MIA3: variants seen among roughly 807,000 people sequenced by gnomAD.
MIA3 encodes transport and Golgi organization protein 1 homolog.
MIA3 carries 90 observed loss-of-function variants against 192.4 expected under a neutral mutation model. That is an observed-to-expected ratio of 0.47 (90% CI 0.39 to 0.56). The LOEUF is 0.56. Ranked by LOEUF, MIA3 falls within the 20% of genes least tolerant of loss-of-function variation. MIA3 has a pLI of 0.00. For missense variants in MIA3, 2,123 were observed against 2,269.4 expected (o/e 0.94, Z 1.31); for synonymous variants, 740 against 792.8 (o/e 0.93, Z 1.12).
chr1:222,633,626 G>A (rs953879515), intron 6 of MIA3, among the ~76,000 whole-genome samples: 1 of 152,122 alleles, frequency 6.6e-6, no homozygotes, highest in Non-Finnish European at 1.5e-5. Context: ...GAGGGAGAGT[G>A]ATAGGAAAGG....
At chr1:222,664,657 T>C (rs903861740) in intron 27 of MIA3, among the ~76,000 whole-genome samples, 2 of 152,200 alleles carry the variant, frequency 1.3e-5, no homozygotes, top group Non-Finnish European at 2.9e-5. Flanking sequence ...TAATGAATGC[T>C]GCTGAATTTA....
At position 222,627,875 on chromosome 1, in the gene MIA3, C is replaced by A; in HGVS notation, c.655C>A (p.His219Asn). ...CTCCCATGCAAACAGCCAAGCAAATCATGCTCAGGGAGAGCAGGCTTCATT... is the reference window on the plus strand; with the variant it reads ...CTCCCATGCAAACAGCCAAGCAAATAATGCTCAGGGAGAGCAGGCTTCATT... ...HHSHANSQAN[H>N]AQGEQASFES... Residue 219 changes from histidine to asparagine, a missense_variant, in exon 4 of 28, where the codon CAT becomes AAT. Physicochemically the swap from His to Asn is moderately conservative, Grantham distance 68. Around this residue, in one of 3 missense-constraint regions of MIA3, gnomAD observed 1,357 missense variants for 1,396.1 expected, o/e 0.97. Coordinates refer to ENST00000344922, the MANE Select transcript of MIA3 (RefSeq NM_198551.4). The A allele has an allele frequency of 6.2e-7, 1 of 1,614,028 alleles. No homozygotes were observed. The highest frequency in any genetic ancestry group is 8.5e-7 in the Non-Finnish European group (1 of 1,180,014).
At chr1:222,640,286 T>C (rs1028228443) in intron 6 of MIA3, among the ~76,000 whole-genome samples, 3 of 152,158 alleles carry the variant, frequency 2.0e-5, no homozygotes, top group Non-Finnish European at 4.4e-5. Context: ...ATAGCCCCAA[T>C]TAAAATCTCA....
At position 222,618,287 on chromosome 1, in the gene MIA3, T is replaced by C. The variant is rs561585936; in HGVS notation, c.133+44T>C. 1.5e-4 allele frequency: 196 copies of C among 1,342,218 alleles called. No homozygotes were observed. The African/African-American group carries it at 2.8e-3, about 19-fold the overall frequency. 83.1% of individuals were successfully genotyped at this position (1,342,218 alleles called of 1,614,324 possible). A position where few individuals can be genotyped will look rare whatever the true frequency, so the allele number is the denominator to read the frequency against. On this transcript the variant is annotated intron_variant, in intron 1 of 27. Transcript: ENST00000344922. ...CGGCTGGCCTCGGGGCGGCTGGCCT[T>C]GGGGTCTCCGCCGGCCCCGGGGGTC...
At position 222,667,631 on chromosome 1, in the gene MIA3, G is replaced by C. The variant is rs1412307979; in HGVS notation, c.*2012G>C. 6.6e-6 allele frequency: 1 copy of C among 152,140 alleles called. No homozygotes were observed. The highest frequency in any genetic ancestry group is 2.4e-5 in the African/African-American group (1 of 41,410). 9.4% of individuals were successfully genotyped at this position (152,140 alleles called of 1,614,324 possible). Reference sequence around the variant, plus strand: ...AGAAGTTGTGAGCCAGTCCATAACTGCTTCCTCACATCCATCTGATTGCAC... The same window carrying C: ...AGAAGTTGTGAGCCAGTCCATAACTCCTTCCTCACATCCATCTGATTGCAC... On this transcript the variant is annotated 3_prime_UTR_variant, in exon 28 of 28. Transcript: ENST00000344922.
Position 222,633,110 on chromosome 1 carries a change from T to C in MIA3, c.3338T>C (p.Val1113Ala). The change falls in exon 6 of 28, where the codon GTT becomes GCT. Residue 1113 changes from valine (V) to alanine (A), a missense_variant. Physicochemically the swap from Val to Ala is moderately conservative, Grantham distance 64. This residue lies in a region of MIA3 where 1,357 missense variants were observed against 1,396.1 expected (regional missense o/e 0.97). Coordinates refer to ENST00000344922, the MANE Select transcript of MIA3 (RefSeq NM_198551.4). The part of the protein sequence containing the change: ...NTEKDLDPGP[V>A]TTEDTPMDAI... ...TCTTTCCTCCCAATTCCAGGGCCAG[T>C]TACAACAGAAGACACTCCTATGGAT... 1 of 1,588,790 alleles carries C rather than the reference T, an allele frequency of 6.3e-7. No homozygotes were observed. Among genetic ancestry groups the C allele is most frequent in the Middle Eastern group, 1.7e-4 (1 of 5,942 alleles).
At chr1:222,641,699 T>C (rs1222719792) in intron 6 of MIA3, 1 of 551,978 alleles carries the variant, frequency 1.8e-6, no homozygotes, top group Non-Finnish European at 3.7e-6. Context: ...CTTCCCTCAT[T>C]GTTCTCGCTC....
chr1:222,631,790 C>T (rs1295548369), intron 4 of MIA3, among the ~76,000 whole-genome samples: 1 of 152,168 alleles, frequency 6.6e-6, no homozygotes, highest in East Asian at 1.9e-4. Flanking sequence ...GTGAGAAAGG[C>T]ATGCTAGGGT....
At position 222,628,536 on chromosome 1, in the gene MIA3, A is replaced by G. The variant is rs1360380577; in HGVS notation, c.1316A>G (p.Asn439Ser). Reference protein sequence around the residue: ...QSATDYSDPDNVDDGLFIVDI... With the variant: ...QSATDYSDPDSVDDGLFIVDI... ...GCAACAGATTATAGTGACCCTGACA[A>G]TGTAGATGATGGTCTTTTTATTGTA... Residue 439 changes from asparagine to serine, a missense_variant, in exon 4 of 28, where the codon AAT (asparagine) becomes AGT (serine). Physicochemically the swap from Asn to Ser is conservative, Grantham distance 46 (BLOSUM62 1). This residue lies in a region of MIA3 where 1,357 missense variants were observed against 1,396.1 expected (regional missense o/e 0.97). Transcript: ENST00000344922. The G allele has an allele frequency of 1.2e-6, 2 of 1,614,114 alleles. No individual in the cohort carries two copies. The highest frequency in any genetic ancestry group is 2.2e-5 in the East Asian group (1 of 44,898).
At position 222,665,624 on chromosome 1, in the gene MIA3, A is replaced by G. The variant is rs780480055; in HGVS notation, c.*5A>G. ...GCTTTAAAACAGAGCCCATAAAACT[A>G]TGACCTCTGAGGTTTCATTGGAAAG... On this transcript the variant is annotated 3_prime_UTR_variant, in exon 28 of 28. Transcript: ENST00000344922. The G allele has an allele frequency of 3.8e-6, 6 of 1,568,628 alleles. No homozygotes were observed. Among genetic ancestry groups the G allele is most frequent in the East Asian group, 4.5e-5 (2 of 44,352 alleles).
At chr1:222,644,536 G>A in intron 6 of MIA3, 1 of 1,550,626 alleles carries the variant, frequency 6.4e-7, no homozygotes, top group African/African-American at 1.4e-5. Context: ...CCCGGAACTT[G>A]TGGGACCCTT....
In MIA3 at chr1:222,654,455, G is replaced by C. The variant is rs374324994; in HGVS notation, c.4444G>C (p.Val1482Leu). ...TTTACAGCTTAAGCTAAGAGCCTCCGTGTCCACTAAATGTAACCTGGAAGG... is the reference window on the plus strand; with the variant it reads ...TTTACAGCTTAAGCTAAGAGCCTCCCTGTCCACTAAATGTAACCTGGAAGG... ...KLLQLKLRASVSTKCNLEDQV... is the reference protein window; with the variant it reads ...KLLQLKLRASLSTKCNLEDQV... Residue 1482 changes from valine to leucine, a missense_variant, in exon 17 of 28, where the codon GTG (valine) becomes CTG (leucine). Physicochemically the swap from Val to Leu is conservative, Grantham distance 32 (BLOSUM62 1). Transcript: ENST00000344922. 1.2e-6 allele frequency: 2 copies of C among 1,613,370 alleles called. No individual in the cohort carries two copies. Among genetic ancestry groups the C allele is most frequent in the Admixed American group, 1.7e-5 (1 of 60,016 alleles).
intron 6 of MIA3, among the ~76,000 whole-genome samples, chr1:222,636,275 CA>C (rs1662619466): frequency 1.3e-5 from 2 of 152,040 alleles, no homozygotes. Flanking sequence ...GCTTATTGGC[CA>C]TAGTTTTTTG....
Position 222,648,853 on chromosome 1 carries a change from A to G in MIA3, c.3631+3A>G. ...GGTGAAGGATAGAGTATATCAAGGTAAATCTTTAGGCTTTTTTGTTATTTG... is the reference window on the plus strand; with the variant it reads ...GGTGAAGGATAGAGTATATCAAGGTGAATCTTTAGGCTTTTTTGTTATTTG... On this transcript the variant is annotated splice_donor_region_variant and intron_variant, in intron 8 of 27. Transcript: ENST00000344922. 6.9e-7 allele frequency: 1 copy of G among 1,443,914 alleles called. No homozygotes were observed. Among genetic ancestry groups the G allele is most frequent in the Non-Finnish European group, 9.7e-7 (1 of 1,034,450 alleles). 89.4% of individuals were successfully genotyped at this position (1,443,914 alleles called of 1,614,324 possible).
chr1:222,625,015 C>CT lies in MIA3; in HGVS notation c.354+173dup, dbSNP rs566044781. Among the ~76,000 whole-genome samples, 373 of 145,908 alleles carry CT rather than the reference C, an allele frequency of 2.6e-3. 7 individuals are homozygous for CT. The South Asian group carries it at 0.028, about 11-fold the overall frequency. On this transcript the variant is annotated intron_variant, in intron 3 of 27. Transcript: ENST00000344922. Reference sequence around the variant, plus strand: ...ATGTTCTTATATAAGGCTATGTACTCTTTTTTTTTTTTGAGTCGGAGTCTC... The same window carrying CT: ...ATGTTCTTATATAAGGCTATGTACTCTTTTTTTTTTTTTGAGTCGGAGTCTC...
chr1:222,626,901 A>G (rs1409143206), intron 3 of MIA3, among the ~76,000 whole-genome samples: 1 of 152,226 alleles, frequency 6.6e-6, no homozygotes, highest in Non-Finnish European at 1.5e-5. Context: ...GCAGAGAAGT[A>G]TGACATAGAG....
chr1:222,659,178 GGAA>G (rs1663881836), intron 19 of MIA3: 1 of 463,200 alleles, frequency 2.2e-6, no homozygotes, highest in Admixed American at 4.0e-5. Context: ...GGTTTATAGT[GGAA>G]GATATTAATA....
rs772354773 is a variant in MIA3, at chr1:222,628,857, G to A, written c.1637G>A (p.Gly546Glu). The A allele has an allele frequency of 7.4e-6, 12 of 1,614,162 alleles. No individual in the cohort carries two copies. The highest frequency in any genetic ancestry group is 1.3e-5 in the African/African-American group (1 of 75,054). ...GGAATGCTCCACGAAGAAAAGCCTG[G>A]AGAGCAGATTTTGGAAGGTGGCTCA... ...SKGMLHEEKPGEQILEGGSES... is the reference protein window; with the variant it reads ...SKGMLHEEKPEEQILEGGSES... The change falls in exon 4 of 28, where the codon GGA becomes GAA. Residue 546 changes from glycine to glutamate, a missense_variant. Around this residue, in one of 3 missense-constraint regions of MIA3, gnomAD observed 1,357 missense variants for 1,396.1 expected, o/e 0.97. Transcript: ENST00000344922.
chr1:222,659,405 T>C (rs1291931415), intron 19 of MIA3, 48 bp from the exon 20 acceptor site: 5 of 1,561,532 alleles, frequency 3.2e-6, no homozygotes, highest in African/African-American at 1.4e-5. Context: ...ATTGTTTGGG[T>C]TTTTATTCAG....
Sources: allele counts gnomAD v4.1 joint callset (sites outside exome capture counted in the v4.1 genomes callset), GRCh38; gene constraint gnomAD v4.1.1; regional missense constraint gnomAD v4.1.1; transcripts MANE v1.5; gene names NCBI Gene and HGNC (gene_info 2026-07-23, HGNC 2026-07-21).